The following DYNC2H1 variants were observed in gnomAD, a reference collection of about 807,000 sequenced individuals.
DYNC2H1 encodes the protein cytoplasmic dynein 2 heavy chain 1.
In DYNC2H1, 410 loss-of-function variants were observed where a neutral mutation model predicts 570.0. That is an observed-to-expected ratio of 0.72 (90% CI 0.66 to 0.78). The LOEUF (loss-of-function observed/expected upper bound fraction) is 0.78. Among genes scored for constraint, DYNC2H1 ranks in the 30% least tolerant of loss-of-function variants. DYNC2H1 has a pLI of 0.00. For missense variants in DYNC2H1, 4,865 were observed against 5,046.4 expected (o/e 0.96, Z 1.09); for synonymous variants, 1,688 against 1,677.6 (o/e 1.01, Z -0.15).
intron 82 of DYNC2H1, among the ~76,000 whole-genome samples, chr11:103,330,471 CGTAATT>C (rs1406890409): frequency 2.0e-5 from 3 of 149,686 alleles, no homozygotes; most frequent in African/African-American, 7.3e-5. Context: ...AAATTAAAAA[CGTAATT>C]GTAGTTTCTA....
At position 103,176,319 on chromosome 11, in the gene DYNC2H1, C is replaced by A; in HGVS notation, c.5759C>A (p.Ala1920Glu). The A allele has an allele frequency of 6.4e-7, 1 of 1,565,690 alleles. No individual in the cohort carries two copies. Reference protein sequence around the residue: ...FTFTDCTRFDALIKDVFPGIE... With the variant: ...FTFTDCTRFDELIKDVFPGIE... ...TTTACTGATTGCACCCGGTTTGATG[C>A]ACTGATAAAAGATGTCTTTCCGGGA... The change falls in exon 37 of 89, where the codon GCA (alanine) becomes GAA (glutamate). Residue 1920 changes from alanine (A) to glutamate (E), a missense_variant. Around this residue, in one of 5 missense-constraint regions of DYNC2H1, gnomAD observed 292 missense variants for 300.2 expected, o/e 0.97. Transcript: ENST00000375735.
intron 44 of DYNC2H1, 56 bp downstream of exon 44, chr11:103,188,704 A>C (rs1469424853): frequency 1.6e-6 from 2 of 1,280,004 alleles, no homozygotes; most frequent in Non-Finnish European, 1.0e-6. Flanking sequence ...TATATAAATG[A>C]ATTTTATTTA....
At chr11:103,161,606 A>G (rs941218932) in intron 29 of DYNC2H1, among the ~76,000 whole-genome samples, 1 of 152,186 alleles carries the variant, frequency 6.6e-6, no homozygotes, top group African/African-American at 2.4e-5. Flanking sequence ...TTCAACCTGT[A>G]ACTGTTGCAA....
chr11:103,190,424 C>T, intron 45 of DYNC2H1, among the ~76,000 whole-genome samples: 1 of 152,108 alleles, frequency 6.6e-6, no homozygotes, highest in East Asian at 1.9e-4. Context: ...GTAGCAATAA[C>T]AGTATGTCTA....
intron 75 of DYNC2H1, among the ~76,000 whole-genome samples, chr11:103,295,194 C>T (rs1355716773): frequency 6.6e-6 from 1 of 152,196 alleles, no homozygotes; most frequent in African/African-American, 2.4e-5. Flanking sequence ...GTGAAGATGA[C>T]TGGGACTTGG....
Position 103,156,774 on chromosome 11 carries a change from A to G in DYNC2H1, c.4127+4A>G, listed in dbSNP as rs376687220. The G allele has an allele frequency of 1.3e-5, 20 of 1,598,466 alleles. No individual in the cohort carries two copies. The highest frequency in any genetic ancestry group is 1.7e-5 in the Non-Finnish European group (20 of 1,176,632). On this transcript the variant is annotated splice_donor_region_variant and intron_variant, in intron 26 of 88. Transcript: ENST00000375735. ...ACAGAGTTGATGAAGATTTTAGGTC[A>G]GTACAATGATGTAAGACATAGACAC... is the stretch of plus-strand genomic sequence containing the variant.
At chr11:103,161,130 G>T in intron 29 of DYNC2H1, 86 bp downstream of exon 29, 1 of 691,654 alleles carries the variant, frequency 1.4e-6, no homozygotes, top group Non-Finnish European at 2.2e-6. Flanking sequence ...CAATTTAGAG[G>T]GTAAAGTTGG....
chr11:103,377,229 T>C (rs1397983015), intron 83 of DYNC2H1, among the ~76,000 whole-genome samples: 11 of 152,210 alleles, frequency 7.2e-5, no homozygotes, highest in Admixed American at 7.2e-4. Flanking sequence ...CTTCTCCCTC[T>C]TGCACTCATG....
At position 103,133,257 on chromosome 11, in the gene DYNC2H1, C is replaced by T. The variant is rs530103536; in HGVS notation, c.1954-298C>T. 1.2e-4 allele frequency among the ~76,000 whole-genome samples: 19 copies of T among 152,162 alleles called. No homozygotes were observed. Among genetic ancestry groups the T allele is most frequent in the African/African-American group, 4.1e-4 (17 of 41,516 alleles). ...AGATAATAAGGAAACCCAGGTTTGT[C>T]GTGCCTTAATTCCTCAGGTTTCTAG... On this transcript the variant is annotated intron_variant, in intron 13 of 88. Coordinates refer to ENST00000375735, the MANE Select transcript of DYNC2H1 (RefSeq NM_001377.3). This position sits in a 1 kb window ranked among gnomAD's most constrained non-coding sequence, Gnocchi z 4.8.
At chr11:103,401,909 G>A (rs991025847) in intron 84 of DYNC2H1, 1 of 152,092 alleles carries the variant, frequency 6.6e-6, no homozygotes, top group Non-Finnish European at 1.5e-5. Flanking sequence ...AGGTAGTTAA[G>A]TTAGGGCCTG....
At chr11:103,255,573 C>CTT in intron 67 of DYNC2H1, 39 bp downstream of exon 67, 2 of 1,439,578 alleles carry the variant, frequency 1.4e-6, no homozygotes, top group African/African-American at 1.5e-5. Flanking sequence ...TTTCGTATTA[C>CTT]TTTTTTTTTA....
intron 85 of DYNC2H1, among the ~76,000 whole-genome samples, chr11:103,451,324 C>CTTTTTTTTTTTTTTTTTTT (rs34032894): frequency 9.9e-5 from 7 of 71,034 alleles, no homozygotes; most frequent in African/African-American, 4.0e-4. Context: ...AGTAAAAGGG[C>CTTTTTTTTTTTTTTTTTTT]TTTTTTTTTT....
rs961513024 is a variant in DYNC2H1 at position 103,241,622 on chromosome 11, T to C, written c.9820-2071T>C. On this transcript the variant is annotated intron_variant, in intron 63 of 88. Transcript: ENST00000375735. The surrounding 1 kb of genome is among the most constrained non-coding windows in gnomAD (Gnocchi z 5.1). ...ATGCAGAATTGTGAAATGTGTGCTA[T>C]TGAATGCTAGCATAAAATTAGATCA... is the stretch of plus-strand genomic sequence containing the variant. 26 of 1,269,134 alleles carry C rather than the reference T, an allele frequency of 2.0e-5. No individual in the cohort carries two copies. Among genetic ancestry groups the C allele is most frequent in the Non-Finnish European group, 2.8e-5 (25 of 905,670 alleles). The allele number at this position is 1,269,134 out of a possible 1,614,324, so 78.6% of individuals were successfully genotyped here.
At chr11:103,427,252 C>G (rs931959696) in intron 84 of DYNC2H1, among the ~76,000 whole-genome samples, 1 of 152,048 alleles carries the variant, frequency 6.6e-6, no homozygotes, top group African/African-American at 2.4e-5. Context: ...TTTTTAAACT[C>G]TCAAGGAATG....
chr11:103,358,320 A>G lies in DYNC2H1; in HGVS notation c.12117A>G (p.Glu4039=). ...SKFDREIWSN[E]LSPVLNLWKK... ...TTGATAGAGAAATCTGGTCTAATGA[A>G]CTTTCTCCTGTCCTCAATCTCTGGA... is the stretch of plus-strand genomic sequence containing the variant. Residue 4039 remains glutamate (E), a synonymous_variant, in exon 83 of 89, where the codon GAA becomes GAG. Transcript: ENST00000375735. 1 of 1,586,878 alleles carries G rather than the reference A, an allele frequency of 6.3e-7. No individual in the cohort carries two copies. The highest frequency in any genetic ancestry group is 8.6e-7 in the Non-Finnish European group (1 of 1,165,034).
rs1356962827 is a variant in DYNC2H1, at chr11:103,293,309, A to G, written c.11095+5704A>G. ...TGCCAGACATACGGAGCTTCTTTAT[A>G]TGTTATTTGCTTCTTTTGTCTTGCT... On this transcript the variant is annotated intron_variant, in intron 75 of 88. Coordinates refer to ENST00000375735, the MANE Select transcript of DYNC2H1 (RefSeq NM_001377.3). Among the ~76,000 whole-genome samples the G allele has an allele frequency of 3.3e-5, 5 of 151,816 alleles. No homozygotes were observed. The East Asian group carries it at 7.7e-4, about 24-fold the overall frequency.
Position 103,126,685 on chromosome 11 carries a change from G to A in DYNC2H1, c.1857+1390G>A, listed in dbSNP as rs182763892. ...GGAGTCTCGCTCTGTTGCCCAGGCT[G>A]GAGTGCAGTGGTGCCATCTCAGCTC... On this transcript the variant is annotated intron_variant, in intron 12 of 88. Coordinates refer to ENST00000375735, the MANE Select transcript of DYNC2H1 (RefSeq NM_001377.3). 2.0e-4 allele frequency among the ~76,000 whole-genome samples: 30 copies of A among 150,784 alleles called. 1 individual carries two copies. Among genetic ancestry groups the A allele is most frequent in the East Asian group, 1.2e-3 (6 of 5,110 alleles).
At chr11:103,213,363 T>C (rs899049056) in intron 54 of DYNC2H1, among the ~76,000 whole-genome samples, 1 of 152,192 alleles carries the variant, frequency 6.6e-6, no homozygotes, top group Non-Finnish European at 1.5e-5. Flanking sequence ...CTATTTTCTC[T>C]CCCATCTAAT....
rs1293795426 is a variant in DYNC2H1 at position 103,434,504 on chromosome 11, AC to A, written c.12367-1438del. Reference sequence around the variant, plus strand: ...TAGAAGTCCTTTTAAGTTTTCACTTACATTCTCCTAAAGATCCCTCCAGCTT... The same window carrying A: ...TAGAAGTCCTTTTAAGTTTTCACTTAATTCTCCTAAAGATCCCTCCAGCTT... On this transcript the variant is annotated intron_variant, in intron 84 of 88. Transcript: ENST00000375735. 1.8e-4 allele frequency among the ~76,000 whole-genome samples: 27 copies of A among 150,886 alleles called. No homozygotes were observed. In the South Asian group the frequency reaches 5.6e-3, roughly 32 times the overall value.
Sources: gnomAD v4.1 joint callset for allele counts (sites outside exome capture counted in the v4.1 genomes callset) on GRCh38, gnomAD v4.1.1 for gene constraint, gnomAD v4.1.1 regional missense constraint, Gnocchi (gnomAD v3.1) non-coding constraint, MANE v1.5 for transcripts, NCBI Gene and HGNC (gene_info 2026-07-23, HGNC 2026-07-21) for gene names.